IGFL4: variants seen among roughly 807,000 people sequenced by gnomAD.
The protein encoded by IGFL4 is insulin growth factor-like family member 4.
In IGFL4, 12 loss-of-function variants were observed where a neutral mutation model predicts 15.4. That is an observed-to-expected ratio of 0.78 (90% CI 0.50 to 1.26). The LOEUF is 1.26. Among genes scored for constraint, IGFL4 ranks in the 50% most tolerant of loss-of-function variants. The probability of loss-of-function intolerance (pLI) is 0.00; values close to 1 mark genes in which losing one functional copy is unlikely to be tolerated. For missense variants in IGFL4, 126 were observed against 147.8 expected (o/e 0.85, Z 0.76); for synonymous variants, 54 against 55.9 (o/e 0.97, Z 0.16).
At chr19:46,048,383 C>T (rs1447658226) in intron 2 of IGFL4, among the ~76,000 whole-genome samples, 1 of 152,116 alleles carries the variant, frequency 6.6e-6, no homozygotes, top group Non-Finnish European at 1.5e-5. Context: ...CCTCTCTCAC[C>T]ACTCCTATTC....
intron 1 of IGFL4, among the ~76,000 whole-genome samples, chr19:46,061,434 T>C (rs551312808): frequency 6.6e-5 from 10 of 152,290 alleles, no homozygotes; most frequent in African/African-American, 2.2e-4. Context: ...CACATGTAAA[T>C]ACACAGACAG....
At chr19:46,051,409 T>C (rs1221033372) in intron 2 of IGFL4, among the ~76,000 whole-genome samples, 1 of 151,994 alleles carries the variant, frequency 6.6e-6, no homozygotes, top group Non-Finnish European at 1.5e-5. Flanking sequence ...GTGGGCGTGG[T>C]GGCAGGTACC....
rs560744289 is a variant in IGFL4 at position 46,049,256 on chromosome 19, T to G, written c.-322-8146A>C. Among the ~76,000 whole-genome samples, 19 of 152,332 alleles carry G rather than the reference T, an allele frequency of 1.2e-4. 1 individual carries two copies. In the South Asian group the frequency reaches 3.9e-3, roughly 32 times the overall value. On this transcript the variant is annotated intron_variant, in intron 2 of 5. Transcript: ENST00000601672. ...AACCACAGGAACATACCAGGAAAGC[T>G]GAGAGAATCCAGAGACCCTTTAAAG... is the stretch of plus-strand genomic sequence containing the variant.
At chr19:46,063,122 C>T (rs1969461070) in intron 1 of IGFL4, among the ~76,000 whole-genome samples, 1 of 152,080 alleles carries the variant, frequency 6.6e-6, no homozygotes, top group South Asian at 2.1e-4. Flanking sequence ...TAATTAAGAA[C>T]GACCTTTACT....
rs5828265 is a variant in IGFL4, at chr19:46,063,335, G to GCACACACACA, written c.-431-3052_-431-3043dup. 2.9e-3 allele frequency among the ~76,000 whole-genome samples: 426 copies of GCACACACACA among 147,176 alleles called. 4 individuals carry two copies. Among genetic ancestry groups the GCACACACACA allele is most frequent in the African/African-American group, 9.3e-3 (371 of 39,710 alleles). ...AAGAACATTTAGAACACACACGCAT[G>GCACACACACA]CACACACACACACACACACACACAC... On this transcript the variant is annotated intron_variant, in intron 1 of 5. Transcript: ENST00000601672.
At chr19:46,077,585 C>G (rs540123491), upstream of IGFL4, among the ~76,000 whole-genome samples, 2 of 152,316 alleles carry the variant, frequency 1.3e-5, no homozygotes, top group South Asian at 4.1e-4. This position sits in a 1 kb window ranked among gnomAD's most constrained non-coding sequence, Gnocchi z 5.4. Flanking sequence ...TCAGTGACAC[C>G]CCCAAGAAAG....
At chr19:46,046,269 G>A (rs987523578) in intron 2 of IGFL4, among the ~76,000 whole-genome samples, 7 of 152,056 alleles carry the variant, frequency 4.6e-5, no homozygotes, top group African/African-American at 1.7e-4. Context: ...CAATAAATAT[G>A]GAAAGGGAAA....
chr19:46,052,589 G>C (rs958499828), intron 2 of IGFL4, among the ~76,000 whole-genome samples: 6 of 151,998 alleles, frequency 3.9e-5, no homozygotes. Flanking sequence ...GGGTGTGGTG[G>C]CATGTGCCTG....
intron 1 of IGFL4, among the ~76,000 whole-genome samples, chr19:46,060,682 A>G (rs190122398): frequency 5.3e-4 from 80 of 152,310 alleles, no homozygotes; most frequent in Middle Eastern, 6.8e-3. Flanking sequence ...ATTATTACTG[A>G]TAATGTACAC....
chr19:46,050,389 G>A (rs1307475650), intron 2 of IGFL4, among the ~76,000 whole-genome samples: 1 of 152,084 alleles, frequency 6.6e-6, no homozygotes, highest in Non-Finnish European at 1.5e-5. Flanking sequence ...ACCAGAGAAA[G>A]GTGAAGTCCA....
At chr19:46,052,701 G>A (rs982349208) in intron 2 of IGFL4, among the ~76,000 whole-genome samples, 19 of 141,906 alleles carry the variant, frequency 1.3e-4, no homozygotes, top group South Asian at 4.6e-4. Flanking sequence ...CAGCCTGGGC[G>A]ACAACAGTGA....
intron 1 of IGFL4, among the ~76,000 whole-genome samples, chr19:46,073,298 C>G (rs1207364544): frequency 6.6e-6 from 1 of 152,164 alleles, no homozygotes; most frequent in East Asian, 1.9e-4. Flanking sequence ...TGAACACTCA[C>G]TAAAGATATG....
chr19:46,060,385 C>T (rs765249525), intron 1 of IGFL4: 9 of 152,206 alleles, frequency 5.9e-5, no homozygotes, highest in Non-Finnish European at 1.2e-4. Context: ...ATACAGATAA[C>T]TTCTGTTCTG....
chr19:46,065,383 C>T (rs1337307749), intron 1 of IGFL4, among the ~76,000 whole-genome samples: 3 of 152,122 alleles, frequency 2.0e-5, no homozygotes, highest in Admixed American at 6.5e-5. Flanking sequence ...AGTGCAGCGG[C>T]GTGATCTCAC....
chr19:46,049,206 C>T (rs1216523472), intron 2 of IGFL4, among the ~76,000 whole-genome samples: 4 of 152,170 alleles, frequency 2.6e-5, no homozygotes, highest in African/African-American at 9.7e-5. Context: ...TGGAGACCCA[C>T]ATCATGAAAT....
intron 1 of IGFL4, among the ~76,000 whole-genome samples, chr19:46,073,272 A>C (rs1471981373): frequency 6.6e-6 from 1 of 152,358 alleles, no homozygotes; most frequent in African/African-American, 2.4e-5. Flanking sequence ...ACAAAATACT[A>C]TCATGATAGT....
chr19:46,057,489 T>C (rs1969403961), intron 2 of IGFL4, among the ~76,000 whole-genome samples: 1 of 152,210 alleles, frequency 6.6e-6, no homozygotes, highest in African/African-American at 2.4e-5. Flanking sequence ...ATAATAATTA[T>C]TATTTTTTAA....
rs1969231416 is a variant in IGFL4, at chr19:46,040,551, CA to C, written c.36del (p.Phe12LeufsTer43). The C allele has an allele frequency of 1.9e-6, 3 of 1,613,884 alleles. No individual in the cohort carries two copies. The Admixed American group carries it at 5.0e-5, about 27-fold the overall frequency. ...VPRISAAIFI[F>X]ELLGSNSEGV... ...CCTTCTGAGTTTGAACCCAAAAGTT[CA>C]AAAATGAAGATGGCAGCTGAGAAGC... is the stretch of plus-strand genomic sequence containing the variant. On this transcript the variant is annotated frameshift_variant, in exon 2 of 4. Coordinates refer to ENST00000377697, the MANE Select transcript of IGFL4 (RefSeq NM_001002923.3). LOFTEE classifies it high-confidence loss of function. The surrounding 1 kb of genome is among the most constrained non-coding windows in gnomAD (Gnocchi z 4.1).
In IGFL4 at chr19:46,052,346, C is replaced by A. The variant is rs866946913; in HGVS notation, c.-323+7839G>T. 2.0e-5 allele frequency among the ~76,000 whole-genome samples: 3 copies of A among 152,268 alleles called. No homozygotes were observed. The South Asian group carries it at 6.2e-4, about 32-fold the overall frequency. On this transcript the variant is annotated intron_variant, in intron 2 of 5. Transcript: ENST00000601672. ...GGAAATCAACTCCAAAAGGAACCTT[C>A]AAAACCATGCAAATACATGGAAATT...
Sources: allele counts gnomAD v4.1 joint callset (sites outside exome capture counted in the v4.1 genomes callset), GRCh38; gene constraint gnomAD v4.1.1; non-coding constraint Gnocchi (gnomAD v3.1); transcripts MANE v1.5; gene names NCBI Gene and HGNC (gene_info 2026-07-23, HGNC 2026-07-21).